The following FBXW4 variants were observed in gnomAD, a reference collection of about 807,000 sequenced individuals.
FBXW4 encodes F-box and WD repeat domain containing 4.
A neutral mutation model predicts 61.8 loss-of-function variants in FBXW4; 40 were observed. The observed-to-expected ratio is 0.65, with a 90% CI of 0.50 to 0.84. The LOEUF (loss-of-function observed/expected upper bound fraction) is 0.84. FBXW4 is among the 40% of genes least tolerant of loss of function. The pLI is 0.00. For synonymous variants in FBXW4, 311 were observed against 313.8 expected (o/e 0.99, Z 0.10); for missense variants, 672 against 753.8 (o/e 0.89, Z 1.27).
intron 6 of FBXW4, among the ~76,000 whole-genome samples, chr10:101,624,075 C>T (rs559573728): frequency 1.4e-5 from 2 of 146,118 alleles, no homozygotes; most frequent in African/African-American, 2.5e-5. Context: ...GGACTAGACA[C>T]ACATAGACAC....
chr10:101,641,144 T>G lies in FBXW4; in HGVS notation c.1236-16334A>C, dbSNP rs369649315. Among the ~76,000 whole-genome samples, 4 of 152,070 alleles carry G rather than the reference T, an allele frequency of 2.6e-5. No individual in the cohort carries two copies. The East Asian group carries it at 5.8e-4, about 22-fold the overall frequency. On this transcript the variant is annotated intron_variant, in intron 5 of 8. Coordinates refer to ENST00000331272, the MANE Select transcript of FBXW4 (RefSeq NM_022039.4). ...CCGCGCCCAGCCAACCCTTCCATTT[T>G]CAACAACCATAATGCCAGGCATTTA...
At chr10:101,674,412 A>C (rs78867302) in intron 2 of FBXW4, among the ~76,000 whole-genome samples, 12,524 of 152,206 alleles carry the variant, frequency 0.082, 620 homozygotes, top group African/African-American at 0.14. Context: ...TTGAAGTGTA[A>C]GTGGGAAGTT....
intron 5 of FBXW4, among the ~76,000 whole-genome samples, chr10:101,639,591 T>TGTG (rs770779462): frequency 2.0e-5 from 3 of 152,362 alleles, no homozygotes; most frequent in South Asian, 4.1e-4. Context: ...CTTACATGAC[T>TGTG]TTCCCTCCCT....
intron 1 of FBXW4, among the ~76,000 whole-genome samples, chr10:101,678,676 C>T (rs928570389): frequency 5.9e-5 from 9 of 152,198 alleles, no homozygotes; most frequent in Admixed American, 5.2e-4. Flanking sequence ...GATCCACCCA[C>T]CTCAGCCTCC....
intron 1 of FBXW4, among the ~76,000 whole-genome samples, chr10:101,692,133 C>T (rs2064611009): frequency 6.6e-6 from 1 of 151,644 alleles, no homozygotes; most frequent in African/African-American, 2.4e-5. Context: ...AAGTGACACA[C>T]ACACATAAAT....
intron 6 of FBXW4, among the ~76,000 whole-genome samples, chr10:101,614,481 T>C (rs971000755): frequency 1.3e-5 from 2 of 151,950 alleles, no homozygotes. Context: ...TGGCCGTAAG[T>C]ATCTGCAGTC....
rs760765362 is a variant in FBXW4, at chr10:101,612,385, C to T, written c.1394G>A (p.Cys465Tyr). ...GTAGCGAACATAGGTGTCATAGCCA[C>T]AGGACAGCAGTGTGAAAGGGGACTC... ...MYESPFTLLS[C>Y]GYDTYVRYWD... Residue 465 changes from cysteine to tyrosine, a missense_variant, in exon 7 of 9, where the codon TGT becomes TAT. By Grantham distance (194) the Cys-to-Tyr change is radical (BLOSUM62 -2). Coordinates refer to ENST00000331272, the MANE Select transcript of FBXW4 (RefSeq NM_022039.4). 1.3e-6 allele frequency: 2 copies of T among 1,599,070 alleles called. No individual in the cohort carries two copies. Among genetic ancestry groups the T allele is most frequent in the Admixed American group, 1.7e-5 (1 of 58,762 alleles).
intron 4 of FBXW4, 22 bp downstream of exon 4, chr10:101,672,893 T>C (rs2064371247): frequency 5.6e-6 from 9 of 1,613,162 alleles, no homozygotes; most frequent in Non-Finnish European, 7.6e-6. Flanking sequence ...AGTAATAGTA[T>C]GTAAGGGGGA....
chr10:101,683,316 G>GC (rs2064498758), intron 1 of FBXW4, among the ~76,000 whole-genome samples: 1 of 152,224 alleles, frequency 6.6e-6, no homozygotes, highest in South Asian at 2.1e-4. Flanking sequence ...AGAGGACCTG[G>GC]CCCCGTGGGC....
At chr10:101,658,257 T>TAA (rs2064208548) in intron 5 of FBXW4, among the ~76,000 whole-genome samples, 1 of 151,926 alleles carries the variant, frequency 6.6e-6, no homozygotes, top group African/African-American at 2.4e-5. Flanking sequence ...ATAAAAAAAA[T>TAA]GGTTTGAGGC....
In FBXW4 at chr10:101,613,420, C is replaced by T. The variant is rs910659202; in HGVS notation, c.1302-943G>A. Among the ~76,000 whole-genome samples the T allele has an allele frequency of 2.0e-5, 3 of 152,228 alleles. No individual in the cohort carries two copies. In the East Asian group the frequency reaches 5.8e-4, roughly 29 times the overall value. The stretch of plus-strand genomic sequence containing the variant: ...AAAGGGGCGCCCTCCAGGCCTGATG[C>T]CTTAGCTTCCTTTACCCGTGAGACG... On this transcript the variant is annotated intron_variant, in intron 6 of 8. Coordinates refer to ENST00000331272, the MANE Select transcript of FBXW4 (RefSeq NM_022039.4).
chr10:101,694,298 C>G lies in FBXW4; in HGVS notation c.725+83G>C. 1 of 1,280,096 alleles carries G rather than the reference C, an allele frequency of 7.8e-7. No individual in the cohort carries two copies. 79.3% of individuals were successfully genotyped at this position (1,280,096 alleles called of 1,614,324 possible). ...ACTCGGGGTGCGACACGACCCTGGG[C>G]CGACCAGGCCGCGGCGCCCCGCCCT... On this transcript the variant is annotated intron_variant, in intron 1 of 8. Coordinates refer to ENST00000331272, the MANE Select transcript of FBXW4 (RefSeq NM_022039.4). The surrounding 1 kb of genome is among the most constrained non-coding windows in gnomAD (Gnocchi z 6.0).
chr10:101,684,328 A>G (rs991466056), intron 1 of FBXW4, among the ~76,000 whole-genome samples: 2 of 152,146 alleles, frequency 1.3e-5, no homozygotes, highest in Admixed American at 6.5e-5. Context: ...GAGTTTCACC[A>G]TGTTAGCCAG....
intron 5 of FBXW4, among the ~76,000 whole-genome samples, chr10:101,635,239 T>C (rs2063991014): frequency 6.7e-6 from 1 of 148,956 alleles, no homozygotes; most frequent in South Asian, 2.1e-4. Flanking sequence ...TCTGTCACTG[T>C]CTCTCATCAC....
At chr10:101,675,745 A>C (rs895335785) in intron 2 of FBXW4, among the ~76,000 whole-genome samples, 32 of 152,232 alleles carry the variant, frequency 2.1e-4, no homozygotes, top group African/African-American at 7.5e-4. Context: ...AATAACTATG[A>C]AATCATTTAG....
At chr10:101,628,061 G>T in intron 5 of FBXW4, 1 of 747,170 alleles carries the variant, frequency 1.3e-6, no homozygotes, top group Non-Finnish European at 1.6e-6. Flanking sequence ...CCTGTGCTAG[G>T]CGTGTCAAAG....
intron 6 of FBXW4, among the ~76,000 whole-genome samples, chr10:101,623,920 A>C (rs2063886859): frequency 6.6e-6 from 1 of 152,236 alleles, no homozygotes; most frequent in African/African-American, 2.4e-5. Context: ...GCCAGGAATC[A>C]GGGACAATGG....
intron 5 of FBXW4, among the ~76,000 whole-genome samples, chr10:101,665,134 G>A (rs2064285606): frequency 6.6e-6 from 1 of 152,108 alleles, no homozygotes; most frequent in South Asian, 2.1e-4. Flanking sequence ...GTCACATTGA[G>A]AAGAAATGGA....
At chr10:101,652,392 G>A (rs953785945) in intron 5 of FBXW4, among the ~76,000 whole-genome samples, 2 of 151,994 alleles carry the variant, frequency 1.3e-5, no homozygotes, top group African/African-American at 4.8e-5. Context: ...AGTACACATG[G>A]AGGAACAACT....
Sources: gnomAD v4.1 joint callset for allele counts (sites outside exome capture counted in the v4.1 genomes callset) on GRCh38, gnomAD v4.1.1 for gene constraint, Gnocchi (gnomAD v3.1) non-coding constraint, MANE v1.5 for transcripts, NCBI Gene and HGNC (gene_info 2026-07-23, HGNC 2026-07-21) for gene names.